TNIK: variants seen among roughly 807,000 people sequenced by gnomAD.
The protein encoded by TNIK is TRAF2 and NCK-interacting protein kinase.
TNIK carries 49 observed loss-of-function variants against 191.3 expected under a neutral mutation model. That is an observed-to-expected ratio of 0.26 (90% CI 0.20 to 0.32). The LOEUF is 0.32. Ranked by LOEUF, TNIK falls within the 10% of genes least tolerant of loss-of-function variation. The pLI is 1.00. For missense variants in TNIK, 1,155 were observed against 1,702.3 expected (o/e 0.68, Z 5.66); for synonymous variants, 594 against 600.9 (o/e 0.99, Z 0.17).
At chr3:171,134,473 G>A (rs577268896) in intron 15 of TNIK, among the ~76,000 whole-genome samples, 17 of 152,212 alleles carry the variant, frequency 1.1e-4, no homozygotes, top group East Asian at 1.9e-4. Flanking sequence ...GTAGAGACAC[G>A]GTTTCACTGT....
chr3:171,190,531 C>T (rs949355029), intron 6 of TNIK, among the ~76,000 whole-genome samples, 166 bp downstream of exon 6: 1 of 152,144 alleles, frequency 6.6e-6, no homozygotes, highest in Non-Finnish European at 1.5e-5. Context: ...CCTCAGAATG[C>T]CTTGAGAAAA....
At chr3:171,221,407 G>T (rs1294485414) in intron 3 of TNIK, among the ~76,000 whole-genome samples, 1 of 152,074 alleles carries the variant, frequency 6.6e-6, no homozygotes, top group African/African-American at 2.4e-5. Flanking sequence ...GCTAACGAAG[G>T]TCTACTCGTC....
intron 1 of TNIK, among the ~76,000 whole-genome samples, chr3:171,377,224 C>T (rs908601586): frequency 1.3e-5 from 2 of 152,198 alleles, no homozygotes; most frequent in African/African-American, 4.8e-5. Context: ...GCCAAACCTC[C>T]AGGAACTAAC....
At chr3:171,072,971 A>G (rs1029904794) in intron 28 of TNIK, among the ~76,000 whole-genome samples, 1 of 152,174 alleles carries the variant, frequency 6.6e-6, no homozygotes, top group African/African-American at 2.4e-5. Context: ...GGAAGAATCA[A>G]TATTGTTAAA....
At chr3:171,306,039 A>C (rs896511137) in intron 2 of TNIK, among the ~76,000 whole-genome samples, 2 of 152,216 alleles carry the variant, frequency 1.3e-5, no homozygotes, top group Non-Finnish European at 2.9e-5. Context: ...AGCCATAAAA[A>C]AGAACTAGAT....
At chr3:171,118,532 C>G (rs923396390) in intron 18 of TNIK, among the ~76,000 whole-genome samples, 1 of 152,174 alleles carries the variant, frequency 6.6e-6, no homozygotes, top group African/African-American at 2.4e-5. Flanking sequence ...TACCTGACTT[C>G]AAACTATACT....
intron 1 of TNIK, among the ~76,000 whole-genome samples, chr3:171,414,892 C>T (rs1389621765): frequency 1.3e-5 from 2 of 152,166 alleles, no homozygotes; most frequent in Non-Finnish European, 2.9e-5. Context: ...TTAAACTAGC[C>T]ATTTTCAGTC....
At chr3:171,310,605 A>C (rs1233343181) in intron 2 of TNIK, among the ~76,000 whole-genome samples, 1 of 152,200 alleles carries the variant, frequency 6.6e-6, no homozygotes, top group Non-Finnish European at 1.5e-5. Flanking sequence ...CAGAGAAAAG[A>C]AAATAAGAGT....
chr3:171,383,386 G>A (rs917003206), intron 1 of TNIK, among the ~76,000 whole-genome samples: 14 of 152,166 alleles, frequency 9.2e-5, no homozygotes, highest in Non-Finnish European at 1.6e-4. Context: ...CACTGTCAAG[G>A]TAACCTAGCA....
At chr3:171,131,337 C>CAAAAAAAAAAAAAA (rs61728094) in intron 15 of TNIK, among the ~76,000 whole-genome samples, 3 of 23,164 alleles carry the variant, frequency 1.3e-4, no homozygotes, top group Non-Finnish European at 2.2e-4. Context: ...GACTCCGTCT[C>CAAAAAAAAAAAAAA]AAAAAAAAAA....
chr3:171,401,978 C>T (rs1721012038), intron 1 of TNIK, among the ~76,000 whole-genome samples: 1 of 152,196 alleles, frequency 6.6e-6, no homozygotes, highest in South Asian at 2.1e-4. Flanking sequence ...AAATAGAAGT[C>T]AGCAGTTGCT....
chr3:171,097,983 TAATA>T (rs1345039689), intron 22 of TNIK, among the ~76,000 whole-genome samples: 1 of 152,174 alleles, frequency 6.6e-6, no homozygotes, highest in Admixed American at 6.5e-5. Flanking sequence ...TGGAATAAAT[TAATA>T]AATAGAGGAG....
chr3:171,290,872 G>T (rs1460462754), intron 2 of TNIK, among the ~76,000 whole-genome samples: 1 of 152,102 alleles, frequency 6.6e-6, no homozygotes, highest in Non-Finnish European at 1.5e-5. Flanking sequence ...AAGGAAGGAA[G>T]CATAAATCAG....
chr3:171,298,196 G>T (rs10155049), intron 2 of TNIK, among the ~76,000 whole-genome samples: 1 of 151,996 alleles, frequency 6.6e-6, no homozygotes, highest in Non-Finnish European at 1.5e-5. Context: ...TGTACATGGA[G>T]CAACTGTAGT....
At position 171,087,523 on chromosome 3, in the gene TNIK, C is replaced by A. The variant is rs756900420; in HGVS notation, c.2722-17G>T. On this transcript the variant is annotated splice_polypyrimidine_tract_variant and intron_variant, in intron 23 of 32. Coordinates refer to ENST00000436636, the MANE Select transcript of TNIK (RefSeq NM_015028.4). ...TCCAGACGTCTGAGGGAGCACAGCA[C>A]GTGGGAGGAGTTAGAGAGGGGGGAA... The A allele has an allele frequency of 1.2e-6, 2 of 1,611,540 alleles. No individual in the cohort carries two copies. Among genetic ancestry groups the A allele is most frequent in the South Asian group, 2.2e-5 (2 of 90,974 alleles).
chr3:171,261,016 C>T (rs1280217422), intron 2 of TNIK, among the ~76,000 whole-genome samples: 1 of 152,186 alleles, frequency 6.6e-6, no homozygotes, highest in Non-Finnish European at 1.5e-5. Flanking sequence ...CCACTAGCAA[C>T]AGATTACTTA....
At chr3:171,251,537 T>C (rs1025516996) in intron 2 of TNIK, among the ~76,000 whole-genome samples, 2 of 152,188 alleles carry the variant, frequency 1.3e-5, no homozygotes, top group Non-Finnish European at 2.9e-5. Context: ...GCAAGGGCCA[T>C]TGCAAGGTGC....
At chr3:171,291,298 T>G (rs1365393454) in intron 2 of TNIK, among the ~76,000 whole-genome samples, 1 of 152,206 alleles carries the variant, frequency 6.6e-6, no homozygotes, top group Non-Finnish European at 1.5e-5. Context: ...CAAAATATTT[T>G]TTATTTACAC....
intron 1 of TNIK, among the ~76,000 whole-genome samples, chr3:171,398,826 C>T (rs1720557296): frequency 1.3e-5 from 2 of 152,146 alleles, no homozygotes. Context: ...TATTCCCTTT[C>T]CCTGGAACAT....
Sources: gnomAD v4.1 joint callset for allele counts (sites outside exome capture counted in the v4.1 genomes callset) on GRCh38, gnomAD v4.1.1 for gene constraint, MANE v1.5 for transcripts, NCBI Gene and HGNC (gene_info 2026-07-23, HGNC 2026-07-21) for gene names.